ZC3HAV1: variants seen among roughly 807,000 people sequenced by gnomAD.
The protein encoded by ZC3HAV1 is zinc finger CCCH-type containing, antiviral 1.
Under a neutral mutation model 86.6 loss-of-function variants are expected in ZC3HAV1, and 41 were observed. The ratio of observed to expected loss-of-function variants is 0.47; its 90% confidence interval spans 0.37 to 0.61. ZC3HAV1 has a LOEUF of 0.61. Among genes scored for constraint, ZC3HAV1 ranks in the 20% least tolerant of loss-of-function variants. ZC3HAV1 has a pLI of 0.00. For synonymous variants in ZC3HAV1, 421 were observed against 432.1 expected (o/e 0.97, Z 0.32); for missense variants, 964 against 1,141.1 (o/e 0.84, Z 2.24).
intron 7 of ZC3HAV1, among the ~76,000 whole-genome samples, chr7:139,070,619 G>C (rs568732639): frequency 2.9e-5 from 4 of 136,798 alleles, no homozygotes; most frequent in Admixed American, 8.1e-5. Flanking sequence ...AGCCGAGATC[G>C]CGCCACTGCA....
At position 139,061,149 on chromosome 7, in the gene ZC3HAV1, A is replaced by G. The variant is rs940632814; in HGVS notation, c.1994-11T>C. 13 of 1,588,340 alleles carry G rather than the reference A, an allele frequency of 8.2e-6. No individual in the cohort carries two copies. Among genetic ancestry groups the G allele is most frequent in the Non-Finnish European group, 1.1e-5 (13 of 1,164,936 alleles). ...TTGTCTGAATCATCCCTTTGGACAG[A>G]AAAAAAAATAAAAGCAGTGAGAATC... On this transcript the variant is annotated splice_polypyrimidine_tract_variant and intron_variant, in intron 8 of 12. Transcript: ENST00000242351.
chr7:139,096,407 A>C (rs1368696870), intron 1 of ZC3HAV1, among the ~76,000 whole-genome samples: 4 of 152,190 alleles, frequency 2.6e-5, no homozygotes, highest in Non-Finnish European at 5.9e-5. Flanking sequence ...AATACTTCCC[A>C]GCATAAGTCC....
intron 7 of ZC3HAV1, among the ~76,000 whole-genome samples, chr7:139,071,109 T>A (rs949162343): frequency 1.3e-5 from 2 of 151,822 alleles, no homozygotes; most frequent in South Asian, 4.2e-4. Context: ...AAACCTTTTT[T>A]TTTTTTTTTT....
chr7:139,054,915 G>T (rs1217410877), intron 10 of ZC3HAV1, among the ~76,000 whole-genome samples: 1 of 152,176 alleles, frequency 6.6e-6, no homozygotes, highest in Non-Finnish European at 1.5e-5. Context: ...AGCATCCCAA[G>T]TAGCTGGGAC....
At chr7:139,075,075 T>TG (rs1335508832) in intron 6 of ZC3HAV1, among the ~76,000 whole-genome samples, 4 of 101,028 alleles carry the variant, frequency 4.0e-5, no homozygotes, top group African/African-American at 4.0e-5. Context: ...GTGGGGCTGG[T>TG]GGGGGGGTGG....
At chr7:139,081,187 G>T (rs117160058) in intron 3 of ZC3HAV1, among the ~76,000 whole-genome samples, 6,390 of 152,192 alleles carry the variant, frequency 0.042, 200 homozygotes, top group Non-Finnish European at 0.066. Flanking sequence ...TGTGCCGGGG[G>T]TACATGTGGA....
rs181497455 is a variant in ZC3HAV1, at chr7:139,073,719, G to T, written c.1872+137C>A. ...TTGGCCAGGCTGGTCTCGAACTCCTGATCTCAGGTGATCCACCTGCCTCAG... is the reference window on the plus strand; with the variant it reads ...TTGGCCAGGCTGGTCTCGAACTCCTTATCTCAGGTGATCCACCTGCCTCAG... On this transcript the variant is annotated intron_variant, in intron 7 of 12. Coordinates refer to ENST00000242351, the MANE Select transcript of ZC3HAV1 (RefSeq NM_020119.4). The T allele has an allele frequency of 5.4e-6, 4 of 742,420 alleles. No homozygotes were observed. The Admixed American group carries it at 1.4e-4, about 27-fold the overall frequency. 46.0% of individuals were successfully genotyped at this position (742,420 alleles called of 1,614,324 possible).
At position 139,075,879 on chromosome 7, in the gene ZC3HAV1, A is replaced by C. The variant is rs1816927225; in HGVS notation, c.1697+407T>G. On this transcript the variant is annotated intron_variant, in intron 6 of 12. Transcript: ENST00000242351. ...ATTATTCAAACCGTGTTTTTAAATT[A>C]TGAAGTTAAGCCAAAGGCTCTTTTG... Among the ~76,000 whole-genome samples the C allele has an allele frequency of 2.0e-5, 3 of 152,252 alleles. 1 individual carries two copies. The highest frequency in any genetic ancestry group is 2.0e-4 in the Admixed American group (3 of 15,278).
intron 8 of ZC3HAV1, among the ~76,000 whole-genome samples, chr7:139,063,027 C>CAA (rs58859916): frequency 4.0e-3 from 270 of 67,830 alleles, no homozygotes; most frequent in Middle Eastern, 0.019. Flanking sequence ...GACTCTGTCT[C>CAA]AAAAAAAAAA....
intron 1 of ZC3HAV1, among the ~76,000 whole-genome samples, chr7:139,097,418 A>ATTTTTTT (rs1563140611): frequency 6.4e-5 from 5 of 78,454 alleles, no homozygotes; most frequent in African/African-American, 2.3e-4. Flanking sequence ...ATATATATAT[A>ATTTTTTT]TATATATATA....
chr7:139,098,230 C>T (rs975518686), intron 1 of ZC3HAV1, among the ~76,000 whole-genome samples: 6 of 152,008 alleles, frequency 3.9e-5, no homozygotes, highest in Non-Finnish European at 8.8e-5. Context: ...TGAGCCATGG[C>T]GCCCGGCCTC....
chr7:139,095,088 C>A (rs1354844745), intron 1 of ZC3HAV1, among the ~76,000 whole-genome samples: 6 of 150,326 alleles, frequency 4.0e-5, no homozygotes, highest in African/African-American at 1.5e-4. Flanking sequence ...ACAAAAAGAT[C>A]GTTGATTTGT....
chr7:139,090,500 AG>A (rs1817399392), intron 1 of ZC3HAV1, among the ~76,000 whole-genome samples: 1 of 152,236 alleles, frequency 6.6e-6, no homozygotes, highest in Non-Finnish European at 1.5e-5. Flanking sequence ...CTGGATATTA[AG>A]TATATCATGT....
chr7:139,047,393 C>T lies in ZC3HAV1; in HGVS notation c.*201G>A. The T allele has an allele frequency of 1.7e-6, 1 of 588,594 alleles. No individual in the cohort carries two copies. The highest frequency in any genetic ancestry group is 2.9e-6 in the Non-Finnish European group (1 of 350,182). 36.5% of individuals were successfully genotyped at this position (588,594 alleles called of 1,614,324 possible). ...TGACGCCCAGAAATGATTTCATTGG[C>T]ATGGGGTGCAACCTGGGCATCAGAA... On this transcript the variant is annotated 3_prime_UTR_variant, in exon 13 of 13. Coordinates refer to ENST00000242351, the MANE Select transcript of ZC3HAV1 (RefSeq NM_020119.4).
intron 8 of ZC3HAV1, among the ~76,000 whole-genome samples, chr7:139,062,085 T>C (rs1444086534): frequency 6.6e-6 from 1 of 152,160 alleles, no homozygotes; most frequent in African/African-American, 2.4e-5. Context: ...GTATGTGGTG[T>C]TGCTGGGGAA....
chr7:139,074,087 A>G (rs1354730164), intron 6 of ZC3HAV1, 57 bp from the exon 7 acceptor site: 2 of 1,525,028 alleles, frequency 1.3e-6, no homozygotes, highest in Non-Finnish European at 1.8e-6. Context: ...GTTTTCTACA[A>G]TCTCGTCTTC....
rs202160849 is a variant in ZC3HAV1 at position 139,074,015 on chromosome 7, A to G, written c.1713T>C (p.Ser571=). 5.0e-4 allele frequency: 805 copies of G among 1,612,526 alleles called. 9 individuals carry two copies. The South Asian group carries it at 8.3e-3, about 17-fold the overall frequency. ...TCATTACCCGAAAATTGATTGTATAACTTCCTACAGAACAGCTGAGAGAGA... is the reference window on the plus strand; with the variant it reads ...TCATTACCCGAAAATTGATTGTATAGCTTCCTACAGAACAGCTGAGAGAGA... ...NPGIHLCSVG[S]YTINFRVMSC... Residue 571 remains serine, a synonymous_variant, in exon 7 of 13, where the codon AGT becomes AGC. Coordinates refer to ENST00000242351, the MANE Select transcript of ZC3HAV1 (RefSeq NM_020119.4).
In ZC3HAV1 at chr7:139,090,904, C is replaced by T. The variant is rs73732378; in HGVS notation, c.309-1145G>A. ...AACCAGGAGCCGAGACCTTGAAACC[C>T]GGCCAGCCATCCGTGTACCTTGCCT... On this transcript the variant is annotated intron_variant, in intron 1 of 12. Coordinates refer to ENST00000242351, the MANE Select transcript of ZC3HAV1 (RefSeq NM_020119.4). Among the ~76,000 whole-genome samples, 1,070 of 152,244 alleles carry T rather than the reference C, an allele frequency of 7.0e-3. 20 individuals are homozygous for T. The highest frequency in any genetic ancestry group is 0.023 in the African/African-American group (957 of 41,540).
chr7:139,058,446 C>G lies in ZC3HAV1; in HGVS notation c.2096+2590G>C, dbSNP rs982842563. On this transcript the variant is annotated intron_variant, in intron 9 of 12. Transcript: ENST00000242351. ...CCCAGCAACCTAACCCCCAACCCCC[C>G]CCCCCCCCACAAAAAAACACCAAAA... 8.9e-5 allele frequency among the ~76,000 whole-genome samples: 13 copies of G among 146,492 alleles called. No homozygotes were observed. In the East Asian group the frequency reaches 1.7e-3, roughly 19 times the overall value.
Sources: gnomAD v4.1 joint callset for allele counts (sites outside exome capture counted in the v4.1 genomes callset) on GRCh38, gnomAD v4.1.1 for gene constraint, MANE v1.5 for transcripts, NCBI Gene and HGNC (gene_info 2026-07-23, HGNC 2026-07-21) for gene names.